Variants in TRRAP observed in about 807,000 individuals in gnomAD.
TRRAP encodes the protein transformation/transcription domain associated protein.
TRRAP carries 41 observed loss-of-function variants against 438.8 expected under a neutral mutation model. The ratio of observed to expected loss-of-function variants is 0.09; its 90% CI spans 0.07 to 0.12. The LOEUF is 0.12. TRRAP is among the 10% of genes least tolerant of loss of function. The probability of loss-of-function intolerance (pLI) is 1.00; values close to 1 mark genes in which losing one functional copy is unlikely to be tolerated. For synonymous variants in TRRAP, 1,994 were observed against 1,962.9 expected, an observed-to-expected ratio of 1.02 and a Z score of -0.42; for missense variants, 3,122 against 5,055.1, an observed-to-expected ratio of 0.62 and a Z score of 11.60.
At chr7:98,881,398 C>T in intron 2 of TRRAP, 148 bp downstream of exon 2, 1 of 642,164 alleles carries the variant, frequency 1.6e-6, no homozygotes, top group Admixed American at 3.7e-5. Context: ...CATGGTGAAA[C>T]CACGTCTCTA....
At chr7:98,946,803 T>C (rs868965308) in intron 33 of TRRAP, among the ~76,000 whole-genome samples, 31 of 152,342 alleles carry the variant, frequency 2.0e-4, no homozygotes, top group African/African-American at 6.7e-4. Context: ...CCCAGTGGTG[T>C]TGCAAAGACC....
chr7:98,908,295 A>T lies in TRRAP; in HGVS notation c.1116-433A>T, dbSNP rs115445668. Among the ~76,000 whole-genome samples the T allele has an allele frequency of 3.8e-3, 582 of 152,310 alleles. 10 individuals are homozygous for T. Among genetic ancestry groups the T allele is most frequent in the African/African-American group, 0.013 (555 of 41,578 alleles). On this transcript the variant is annotated intron_variant, in intron 13 of 72. Transcript: ENST00000456197. The surrounding 1 kb of genome is among the most constrained non-coding windows in gnomAD (Gnocchi z 4.1). ...GCAGGCCCAGGATCTGGCACATGAC[A>T]GGTGTCCTTGTGTTTAGTGAGGGAA...
At chr7:98,961,124 G>A (rs1791873332) in intron 45 of TRRAP, 137 bp from the exon 46 acceptor site, 5 of 725,646 alleles carry the variant, frequency 6.9e-6, no homozygotes, top group Admixed American at 6.8e-5. Flanking sequence ...AAATACGATT[G>A]TCATTCTCTA....
intron 67 of TRRAP, among the ~76,000 whole-genome samples, chr7:99,000,808 G>A (rs1207108309): frequency 6.6e-6 from 1 of 152,230 alleles, no homozygotes; most frequent in African/African-American, 2.4e-5. Context: ...TGGGCTGGGG[G>A]CACCCTGTCT....
At position 98,897,717 on chromosome 7, in the gene TRRAP, A is replaced by T. The variant is rs200749780; in HGVS notation, c.508-24A>T. On this transcript the variant is annotated intron_variant, in intron 7 of 72. Coordinates refer to ENST00000456197, the MANE Select transcript of TRRAP (RefSeq NM_001375524.1). The stretch of plus-strand genomic sequence containing the variant: ...AATATTGGGTTTGACTTTAGGAAAA[A>T]ATATTTTTATGACTTTTATGTAGAA... 9 of 1,599,846 alleles carry T rather than the reference A, an allele frequency of 5.6e-6. No individual in the cohort carries two copies. The East Asian group carries it at 1.8e-4, about 32-fold the overall frequency.
chr7:99,010,166 G>A (rs557161166), intron 70 of TRRAP, among the ~76,000 whole-genome samples: 11 of 152,188 alleles, frequency 7.2e-5, no homozygotes, highest in Non-Finnish European at 1.5e-4. Context: ...GATTACAGGC[G>A]TGAGCCACCA....
Position 98,961,264 on chromosome 7 carries a change from C to T in TRRAP, c.6493C>T (p.Gln2165Ter). 1 of 1,613,994 alleles carries T rather than the reference C, an allele frequency of 6.2e-7. No homozygotes were observed. The highest frequency in any genetic ancestry group is 8.5e-7 in the Non-Finnish European group (1 of 1,179,918). ...WFDKLLMTVE[Q>*]PNQVNYGNIC... ...TGGCCTGTGTTGTCCATTGCAGGAG[C>T]AGCCAAACCAAGTGAACTATGGGAA... Residue 2165 changes from glutamine (Q) to a stop codon, truncating the protein, a stop_gained, in exon 46 of 73, where the codon CAG (glutamine) becomes TAG (stop). Transcript: ENST00000456197. LOFTEE classifies it high-confidence loss of function.
rs139721649 is a variant in TRRAP at position 98,967,584 on chromosome 7, C to T, written c.7398C>T (p.Phe2466=). ...CAQPLIRAKF[F]EVFDNSMKRR... ...AGCCACTCATCAGGGCAAAGTTTTTCGAGGTTTTTGACAACTCCATGAAAC... is the reference window on the plus strand; with the variant it reads ...AGCCACTCATCAGGGCAAAGTTTTTTGAGGTTTTTGACAACTCCATGAAAC... Residue 2466 remains phenylalanine, a synonymous_variant, in exon 51 of 73, where the codon TTC becomes TTT. Coordinates refer to ENST00000456197, the MANE Select transcript of TRRAP (RefSeq NM_001375524.1). The T allele has an allele frequency of 3.6e-5, 58 of 1,613,966 alleles. No homozygotes were observed. Among genetic ancestry groups the T allele is most frequent in the Admixed American group, 1.0e-4 (6 of 59,984 alleles).
At chr7:98,909,463 GTGA>G (rs1403608327) in intron 14 of TRRAP, among the ~76,000 whole-genome samples, 1 of 152,206 alleles carries the variant, frequency 6.6e-6, no homozygotes, top group Admixed American at 6.5e-5. Context: ...TTCACTTGGG[GTGA>G]TGATATCTGC....
chr7:98,912,419 TAAAC>T (rs1789316497), intron 18 of TRRAP, among the ~76,000 whole-genome samples: 2 of 151,618 alleles, frequency 1.3e-5, no homozygotes, highest in African/African-American at 4.8e-5. Flanking sequence ...TTTTCACTTT[TAAAC>T]AAACTATAGT....
intron 23 of TRRAP, 75 bp downstream of exon 23, chr7:98,927,441 C>T: frequency 2.0e-6 from 3 of 1,519,760 alleles, no homozygotes; most frequent in Non-Finnish European, 2.7e-6. Context: ...TTGCTCAGGA[C>T]ATTTTGTTGT....
intron 18 of TRRAP, among the ~76,000 whole-genome samples, chr7:98,913,178 T>C (rs149043079): frequency 6.6e-6 from 1 of 152,284 alleles, no homozygotes; most frequent in East Asian, 1.9e-4. Flanking sequence ...CTACTTGCAG[T>C]CTTGGGGTCT....
At chr7:98,890,695 C>T (rs1305714571) in intron 4 of TRRAP, among the ~76,000 whole-genome samples, 2 of 151,740 alleles carry the variant, frequency 1.3e-5, no homozygotes, top group Non-Finnish European at 2.9e-5. Flanking sequence ...TTACTATAGA[C>T]CAGTGCAAAT....
At chr7:98,917,732 G>A (rs1789573503) in intron 20 of TRRAP, 53 bp downstream of exon 20, 59 of 1,586,162 alleles carry the variant, frequency 3.7e-5, no homozygotes, top group Non-Finnish European at 4.6e-5. Context: ...GCAGTGGGCC[G>A]TCATTGGGTT....
chr7:98,886,495 G>A (rs1460687337), intron 3 of TRRAP, among the ~76,000 whole-genome samples: 1 of 151,984 alleles, frequency 6.6e-6, no homozygotes, highest in Non-Finnish European at 1.5e-5. Flanking sequence ...GATATCTAGA[G>A]AGATATGGAT....
At chr7:98,943,510 G>A (rs1226529365) in intron 31 of TRRAP, among the ~76,000 whole-genome samples, 1 of 152,126 alleles carries the variant, frequency 6.6e-6, no homozygotes, top group Admixed American at 6.5e-5. Flanking sequence ...CATAAATACT[G>A]GCACGTGTGT....
At chr7:98,961,561 T>C in intron 46 of TRRAP, 87 bp downstream of exon 46, 1 of 1,480,668 alleles carries the variant, frequency 6.8e-7, no homozygotes, top group Non-Finnish European at 9.3e-7. Flanking sequence ...CTCCAGTTAT[T>C]GTGTCGAGCG....
At chr7:98,985,100 T>A in intron 62 of TRRAP, 56 bp downstream of exon 62, 1 of 1,284,266 alleles carries the variant, frequency 7.8e-7, no homozygotes, top group Non-Finnish European at 1.1e-6. Flanking sequence ...TATTTAAAGT[T>A]ATTTATAACC....
Position 98,978,301 on chromosome 7 carries a change from C to G in TRRAP, c.8476C>G (p.Leu2826Val). 6.2e-7 allele frequency: 1 copy of G among 1,614,000 alleles called. No individual in the cohort carries two copies. The change falls in exon 57 of 73, where the codon CTC becomes GTC. Residue 2826 changes from leucine (L) to valine (V), a missense_variant. Coordinates refer to ENST00000456197, the MANE Select transcript of TRRAP (RefSeq NM_001375524.1). The stretch of plus-strand genomic sequence containing the variant: ...CCCTGCTATTTTCCCTGAATACCAG[C>G]TCTGGGAAGACCACTGGATTCGGTA... ...ASPAIFPEYQ[L>V]WEDHWIRCSK...
Sources: allele counts gnomAD v4.1 joint callset (sites outside exome capture counted in the v4.1 genomes callset), GRCh38; gene constraint gnomAD v4.1.1; non-coding constraint Gnocchi (gnomAD v3.1); transcripts MANE v1.5; gene names NCBI Gene and HGNC (gene_info 2026-07-23, HGNC 2026-07-21).